The following CPNE6 variants were observed in gnomAD, a reference collection of about 807,000 sequenced individuals.
The protein encoded by CPNE6 is copine-6.
CPNE6 carries 33 observed loss-of-function variants against 71.5 expected under a neutral mutation model. The ratio of observed to expected loss-of-function variants is 0.46; its 90% CI spans 0.35 to 0.62. The LOEUF (loss-of-function observed/expected upper bound fraction) is 0.62. Among genes scored for constraint, CPNE6 ranks in the 20% least tolerant of loss-of-function variants. CPNE6 has a pLI of 0.00. For missense variants in CPNE6, 576 were observed against 747.3 expected (o/e 0.77, Z 2.67); for synonymous variants, 296 against 293.0 (o/e 1.01, Z -0.10).
At position 24,075,966 on chromosome 14, in the gene CPNE6, C is replaced by A. The variant is rs1346078652; in HGVS notation, c.924+80C>A. On this transcript the variant is annotated intron_variant, in intron 11 of 17. Transcript: ENST00000397016. This position sits in a 1 kb window ranked among gnomAD's most constrained non-coding sequence, Gnocchi z 4.3. ...GAAAGGAAGGAGCCCAGAATCTCCA[C>A]TGCCCCAACTTGGGCTGCTCATGAG... 3 of 1,562,482 alleles carry A rather than the reference C, an allele frequency of 1.9e-6. No homozygotes were observed. Among genetic ancestry groups the A allele is most frequent in the Non-Finnish European group, 2.6e-6 (3 of 1,135,320 alleles).
chr14:24,074,262 G>C lies in CPNE6; in HGVS notation c.424-29G>C, dbSNP rs561452073. ...GGTGGCCCTTGTGGTAAGGTTAGGG[G>C]AGTCCTGCCACTTGTATCCCCCTTG... On this transcript the variant is annotated intron_variant, in intron 5 of 17. Transcript: ENST00000397016. This position sits in a 1 kb window ranked among gnomAD's most constrained non-coding sequence, Gnocchi z 4.5. The C allele has an allele frequency of 6.3e-7, 1 of 1,599,630 alleles. No homozygotes were observed. Among genetic ancestry groups the C allele is most frequent in the African/African-American group, 1.3e-5 (1 of 74,736 alleles).
chr14:24,075,658 C>G lies in CPNE6; in HGVS notation c.864+67C>G. ...CCCCTACCACACTCTCAGGTTCAAC[C>G]CTTCCCTTGTTTCAAAGACCAGTTT... On this transcript the variant is annotated intron_variant, in intron 10 of 17. Coordinates refer to ENST00000397016, the Ensembl canonical transcript of CPNE6. This position sits in a 1 kb window ranked among gnomAD's most constrained non-coding sequence, Gnocchi z 4.3. The G allele has an allele frequency of 1.4e-6, 2 of 1,444,064 alleles. No individual in the cohort carries two copies. The highest frequency in any genetic ancestry group is 1.9e-6 in the Non-Finnish European group (2 of 1,042,952). 89.5% of individuals were successfully genotyped at this position (1,444,064 alleles called of 1,614,324 possible). A position where few individuals can be genotyped will look rare whatever the true frequency, so the allele number is the denominator to read the frequency against.
In CPNE6 at chr14:24,073,907, T is replaced by C; in HGVS notation, c.349-144T>C. On this transcript the variant is annotated intron_variant, in intron 4 of 17. Coordinates refer to ENST00000397016, the Ensembl canonical transcript of CPNE6. The surrounding 1 kb of genome is among the most constrained non-coding windows in gnomAD (Gnocchi z 5.5). The stretch of plus-strand genomic sequence containing the variant: ...GGTCAGAGTGCTTCCCTCTTCAGAC[T>C]ATTGTAAAAATTGAGCCCAACCCTA... 4 of 855,834 alleles carry C rather than the reference T, an allele frequency of 4.7e-6. No homozygotes were observed. In the South Asian group the frequency reaches 4.7e-5, roughly 10 times the overall value. 53.0% of individuals were successfully genotyped at this position (855,834 alleles called of 1,614,324 possible). A position where few individuals can be genotyped will look rare whatever the true frequency, so the allele number is the denominator to read the frequency against.
At chr14:24,072,645 AG>A in intron 2 of CPNE6, 1 of 312,096 alleles carries the variant, frequency 3.2e-6, no homozygotes, top group South Asian at 1.5e-4. Flanking sequence ...ATGGCCTAGG[AG>A]CCAAGACTGC....
At position 24,073,635 on chromosome 14, in the gene CPNE6, G is replaced by A. The variant is rs770782122; in HGVS notation, c.305G>A (p.Arg102Gln). 23 of 1,613,922 alleles carry A rather than the reference G, an allele frequency of 1.4e-5. No homozygotes were observed. Among genetic ancestry groups the A allele is most frequent in the South Asian group, 2.2e-5 (2 of 91,068 alleles). Residue 102 changes from arginine to glutamine, a missense_variant, in exon 4 of 18, where the codon CGA (arginine) becomes CAA (glutamine). By Grantham distance (43) the Arg-to-Gln change is conservative. Coordinates refer to ENST00000397016, the Ensembl canonical transcript of CPNE6. This position sits in a 1 kb window ranked among gnomAD's most constrained non-coding sequence, Gnocchi z 5.5. ...GCCGAGGACGGAGCCACCAGCCCCCGAAATGATACCTTCCTCGGCTCTACG... is the reference window on the plus strand; with the variant it reads ...GCCGAGGACGGAGCCACCAGCCCCCAAAATGATACCTTCCTCGGCTCTACG...
intron 14 of CPNE6, 111 bp downstream of exon 13, chr14:24,076,668 C>A: frequency 6.6e-7 from 1 of 1,509,660 alleles, no homozygotes; most frequent in South Asian, 1.1e-5. Context: ...CCATCCCAGG[C>A]CTGTCTTTAT....
chr14:24,076,142 C>T lies in CPNE6; in HGVS notation c.925-7C>T, dbSNP rs1594232349. 2 of 1,612,220 alleles carry T rather than the reference C, an allele frequency of 1.2e-6. No homozygotes were observed. Among genetic ancestry groups the T allele is most frequent in the African/African-American group, 2.7e-5 (2 of 74,902 alleles). Reference sequence around the variant, plus strand: ...TGCAGCATGACCTTCTTCCCACCCCCACCCAGGTGGCCATTGACTTCACCG... The same window carrying T: ...TGCAGCATGACCTTCTTCCCACCCCTACCCAGGTGGCCATTGACTTCACCG... On this transcript the variant is annotated splice_polypyrimidine_tract_variant and splice_region_variant and intron_variant, in intron 11 of 17. Coordinates refer to ENST00000397016, the Ensembl canonical transcript of CPNE6.
chr14:24,071,980 C>T (rs2035916786), intron 2 of CPNE6: 7 of 288,880 alleles, frequency 2.4e-5, no homozygotes, highest in Admixed American at 1.4e-4. Context: ...GGGACAGACA[C>T]GGAGGGTGGG....
At chr14:24,071,501 G>GGGGCCCCCCCCCCCCC in intron 1 of CPNE6, 61 bp from the exon 1 acceptor site, 22 of 1,416,698 alleles carry the variant, frequency 1.6e-5, no homozygotes, top group Admixed American at 2.5e-5. Flanking sequence ...CTGGTGCTGC[G>GGGGCCCCCCCCCCCCC]CCCCCCCCCA....
Position 24,074,764 on chromosome 14 carries a change from T to C in CPNE6, c.641T>C (p.Leu214Pro), listed in dbSNP as rs1199639438. 6.2e-7 allele frequency: 1 copy of C among 1,613,834 alleles called. No homozygotes were observed. Among genetic ancestry groups the C allele is most frequent in the African/African-American group, 1.3e-5 (1 of 74,994 alleles). ...CCGTTCCGCCTGTCCCTGCATTCCCTATGCAGCTGTGATGTTCACCGACCT... is the reference window on the plus strand; with the variant it reads ...CCGTTCCGCCTGTCCCTGCATTCCCCATGCAGCTGTGATGTTCACCGACCT... The change falls in exon 8 of 18, where the codon CTA (leucine) becomes CCA (proline). Residue 214 changes from leucine to proline, a missense_variant. Physicochemically the swap from Leu to Pro is moderately conservative, Grantham distance 98. This residue lies in a region of CPNE6 where 214 missense variants were observed against 291.2 expected (regional missense o/e 0.73). Transcript: ENST00000397016. The surrounding 1 kb of genome is among the most constrained non-coding windows in gnomAD (Gnocchi z 4.5).
chr14:24,071,935 G>C, intron 2 of CPNE6: 1 of 381,642 alleles, frequency 2.6e-6, no homozygotes. Flanking sequence ...TACAGGAACT[G>C]TCACACCCTC....
chr14:24,071,000 C>A, exon 1 of CPNE6: 1 of 1,535,560 alleles, frequency 6.5e-7, no homozygotes, highest in East Asian at 2.4e-5. Flanking sequence ...TTAAGGAGCA[C>A]GGGAAGATCA....
At position 24,075,062 on chromosome 14, in the gene CPNE6, G is replaced by C. The variant is rs983600491; in HGVS notation, c.673-110G>C. 1.2e-6 allele frequency: 1 copy of C among 841,626 alleles called. No homozygotes were observed. The highest frequency in any genetic ancestry group is 2.0e-6 in the Non-Finnish European group (1 of 491,006). The allele number at this position is 841,626 out of a possible 1,614,324, so 52.1% of individuals were successfully genotyped here. A position where few individuals can be genotyped will look rare whatever the true frequency, so the allele number is the denominator to read the frequency against. On this transcript the variant is annotated intron_variant, in intron 8 of 17. Coordinates refer to ENST00000397016, the Ensembl canonical transcript of CPNE6. This position sits in a 1 kb window ranked among gnomAD's most constrained non-coding sequence, Gnocchi z 4.3. The stretch of plus-strand genomic sequence containing the variant: ...GGCTGAGGATGTCTGTTTGGGCATG[G>C]AGACTCTAAGGCCCAAGTCCCCCTA...
At chr14:24,072,467 C>T (rs1023495972) in intron 2 of CPNE6, 6 of 154,566 alleles carry the variant, frequency 3.9e-5, no homozygotes, top group Non-Finnish European at 7.2e-5. Context: ...ACTGCAGACT[C>T]CACTTCTGAG....
rs776112347 is a variant in CPNE6, at chr14:24,077,659, G to C, written c.1603G>C (p.Ala535Pro). Residue 535 changes from alanine to proline, a missense_variant, in exon 17 of 18, where the codon GCC becomes CCC. Around this residue, in one of 4 missense-constraint regions of CPNE6, gnomAD observed 264 missense variants for 339.9 expected, o/e 0.78. Coordinates refer to ENST00000397016, the Ensembl canonical transcript of CPNE6. The surrounding 1 kb of genome is among the most constrained non-coding windows in gnomAD (Gnocchi z 6.1). ...GCCACGGCAGGTGGTGGAGTACTACGCCAGCCAGGGCATCAGCCCTGGGGC... is the reference window on the plus strand; with the variant it reads ...GCCACGGCAGGTGGTGGAGTACTACCCCAGCCAGGGCATCAGCCCTGGGGC... 1 of 1,595,454 alleles carries C rather than the reference G, an allele frequency of 6.3e-7. No individual in the cohort carries two copies. The highest frequency in any genetic ancestry group is 8.5e-7 in the Non-Finnish European group (1 of 1,170,544).
At position 24,077,866 on chromosome 14, in the gene CPNE6, T is replaced by C. The variant is rs1275103438; in HGVS notation, c.*38-22T>C. The C allele has an allele frequency of 4.2e-6, 4 of 961,924 alleles. No individual in the cohort carries two copies. Among genetic ancestry groups the C allele is most frequent in the Non-Finnish European group, 5.7e-6 (4 of 698,378 alleles). 59.6% of individuals were successfully genotyped at this position (961,924 alleles called of 1,614,324 possible). On this transcript the variant is annotated intron_variant, in intron 17 of 17. Coordinates refer to ENST00000397016, the Ensembl canonical transcript of CPNE6. The surrounding 1 kb of genome is among the most constrained non-coding windows in gnomAD (Gnocchi z 6.1). ...GGTGTAGTGTAGAAGAGAGTGCTTA[T>C]GACTCTCCCACCCCCTCCCAGGTGC...
chr14:24,076,044 C>A, intron 11 of CPNE6, 105 bp from the exon 11 acceptor site: 1 of 1,533,336 alleles, frequency 6.5e-7, no homozygotes, highest in Non-Finnish European at 8.9e-7. Flanking sequence ...CTACCTGTAG[C>A]CTCCCCACCA....
At position 24,075,117 on chromosome 14, in the gene CPNE6, G is replaced by A. The variant is rs569293799; in HGVS notation, c.673-55G>A. Reference sequence around the variant, plus strand: ...AAGTCCCCGAGTCCCCCTACTCACCGTGAATACCGCAGAGCATCTCCAACC... The same window carrying A: ...AAGTCCCCGAGTCCCCCTACTCACCATGAATACCGCAGAGCATCTCCAACC... On this transcript the variant is annotated intron_variant, in intron 8 of 17. Coordinates refer to ENST00000397016, the Ensembl canonical transcript of CPNE6. The surrounding 1 kb of genome is among the most constrained non-coding windows in gnomAD (Gnocchi z 4.3). The A allele has an allele frequency of 9.7e-4, 1,257 of 1,289,726 alleles. 4 individuals are homozygous for A. Among genetic ancestry groups the A allele is most frequent in the Non-Finnish European group, 9.6e-4 (846 of 884,650 alleles). The allele number at this position is 1,289,726 out of a possible 1,614,324, so 79.9% of individuals were successfully genotyped here.
In CPNE6 at chr14:24,075,657, C is replaced by A. The variant is rs548733859; in HGVS notation, c.864+66C>A. ...GCCCCTACCACACTCTCAGGTTCAA[C>A]CCTTCCCTTGTTTCAAAGACCAGTT... On this transcript the variant is annotated intron_variant, in intron 10 of 17. Transcript: ENST00000397016. The surrounding 1 kb of genome is among the most constrained non-coding windows in gnomAD (Gnocchi z 4.3). 5.5e-6 allele frequency: 8 copies of A among 1,447,476 alleles called. No homozygotes were observed. In the African/African-American group the frequency reaches 9.8e-5, roughly 18 times the overall value. 89.7% of individuals were successfully genotyped at this position (1,447,476 alleles called of 1,614,324 possible). A position where few individuals can be genotyped will look rare whatever the true frequency, so the allele number is the denominator to read the frequency against.
Sources: allele counts gnomAD v4.1 joint callset, GRCh38; gene constraint gnomAD v4.1.1; regional missense constraint gnomAD v4.1.1; non-coding constraint Gnocchi (gnomAD v3.1); transcripts MANE v1.5; gene names NCBI Gene and HGNC (gene_info 2026-07-23, HGNC 2026-07-21).